DTWD2: variants seen among roughly 807,000 people sequenced by gnomAD.
DTWD2 encodes the protein tRNA-uridine aminocarboxypropyltransferase 2.
A neutral mutation model predicts 31.8 loss-of-function variants in DTWD2; 39 were observed. The ratio of observed to expected loss-of-function variants is 1.22; its 90% CI spans 0.95 to 1.60. The LOEUF is 1.60. Ranked by LOEUF, DTWD2 falls within the 40% of genes most tolerant of loss-of-function variation. The probability of loss-of-function intolerance (pLI) is 0.00; values close to 1 mark genes in which losing one functional copy is unlikely to be tolerated. For synonymous variants in DTWD2, 180 were observed against 142.8 expected, an observed-to-expected ratio of 1.26 and a Z score of -1.86; for missense variants, 515 against 381.5, an observed-to-expected ratio of 1.35 and a Z score of -2.92.
At chr5:118,859,651 A>G (rs1241361354) in intron 4 of DTWD2, among the ~76,000 whole-genome samples, 2 of 152,140 alleles carry the variant, frequency 1.3e-5, no homozygotes, top group Non-Finnish European at 2.9e-5. Context: ...TAAATGATTT[A>G]TTAATATGAA....
intron 4 of DTWD2, among the ~76,000 whole-genome samples, chr5:118,909,498 T>C (rs6868097): frequency 0.27 from 41,127 of 152,056 alleles, 6,592 homozygotes; most frequent in Admixed American, 0.39. Flanking sequence ...TTGCCTAAGC[T>C]ACCTTAGTAA....
At chr5:118,955,506 T>C (rs1016783711) in intron 1 of DTWD2, among the ~76,000 whole-genome samples, 8 of 152,352 alleles carry the variant, frequency 5.3e-5, no homozygotes, top group African/African-American at 1.2e-4. Flanking sequence ...GAATAATTTA[T>C]AAATTCAACA....
At chr5:118,921,533 A>AG (rs1753704283) in intron 4 of DTWD2, among the ~76,000 whole-genome samples, 1 of 151,114 alleles carries the variant, frequency 6.6e-6, no homozygotes, top group Admixed American at 6.6e-5. Flanking sequence ...AAAAAAAAAA[A>AG]AGAAAGAAAG....
intron 1 of DTWD2, among the ~76,000 whole-genome samples, chr5:118,958,934 T>C (rs1754649248): frequency 6.6e-6 from 1 of 152,120 alleles, no homozygotes; most frequent in Non-Finnish European, 1.5e-5. Context: ...AACTAGGCAC[T>C]AAAGGAACTT....
chr5:118,979,289 G>A (rs1755236069), intron 1 of DTWD2, among the ~76,000 whole-genome samples: 1 of 152,052 alleles, frequency 6.6e-6, no homozygotes, highest in Non-Finnish European at 1.5e-5. Flanking sequence ...GGGCGACAGA[G>A]CAAGAGTCCA....
At chr5:118,896,752 G>A (rs543723636) in intron 4 of DTWD2, among the ~76,000 whole-genome samples, 1 of 152,302 alleles carries the variant, frequency 6.6e-6, no homozygotes, top group East Asian at 1.9e-4. Flanking sequence ...CAAATGATCT[G>A]CCTAGTCAGG....
intron 1 of DTWD2, among the ~76,000 whole-genome samples, chr5:118,985,490 T>TTATATATA (rs56393420): frequency 0.032 from 3,041 of 95,346 alleles, 104 homozygotes; most frequent in East Asian, 0.12. Flanking sequence ...ATGTGCATTT[T>TTATATATA]TATATATATA....
At chr5:118,891,406 GAATT>G (rs1341833319) in intron 4 of DTWD2, among the ~76,000 whole-genome samples, 1 of 152,062 alleles carries the variant, frequency 6.6e-6, no homozygotes, top group Non-Finnish European at 1.5e-5. Flanking sequence ...TTCTTTCTCT[GAATT>G]AATTATGACT....
intron 4 of DTWD2, among the ~76,000 whole-genome samples, chr5:118,865,151 G>A (rs1318330599): frequency 6.6e-6 from 1 of 152,092 alleles, no homozygotes; most frequent in East Asian, 1.9e-4. Flanking sequence ...AAATACATCT[G>A]AATTTGAATT....
intron 2 of DTWD2, among the ~76,000 whole-genome samples, chr5:118,940,904 A>G (rs1426814446): frequency 1.3e-5 from 2 of 152,204 alleles, no homozygotes; most frequent in African/African-American, 4.8e-5. Flanking sequence ...TCACGACTAA[A>G]TACACATTGT....
intron 1 of DTWD2, among the ~76,000 whole-genome samples, chr5:118,986,699 T>G (rs1313247713): frequency 6.6e-6 from 1 of 152,170 alleles, no homozygotes; most frequent in Non-Finnish European, 1.5e-5. Flanking sequence ...CACCTAAATA[T>G]TCTCCATAAT....
Position 118,973,657 on chromosome 5 carries a change from G to GGCAGCCTCCTTGCTCGCC in DTWD2, c.218+14619_218+14636dup, listed in dbSNP as rs1392269996. 5.3e-3 allele frequency: 2,292 copies of GGCAGCCTCCTTGCTCGCC among 431,728 alleles called. 276 individuals carry two copies. Among genetic ancestry groups the GGCAGCCTCCTTGCTCGCC allele is most frequent in the Admixed American group, 0.038 (746 of 19,826 alleles). The allele number at this position is 431,728 out of a possible 1,614,324, so 26.7% of individuals were successfully genotyped here. On this transcript the variant is annotated intron_variant, in intron 1 of 5. Coordinates refer to ENST00000510708, the MANE Select transcript of DTWD2 (RefSeq NM_173666.4). Reference sequence around the variant, plus strand: ...TGCTCGCGGCAGCCTCCTTGCTCGCGGCAGCCTCCTTGCTCGCCGCAGCCG... The same window carrying GGCAGCCTCCTTGCTCGCC: ...TGCTCGCGGCAGCCTCCTTGCTCGCGGCAGCCTCCTTGCTCGCCGCAGCCTCCTTGCTCGCCGCAGCCG...
intron 5 of DTWD2, among the ~76,000 whole-genome samples, chr5:118,845,308 C>A (rs1177319615): frequency 1.3e-5 from 2 of 152,174 alleles, no homozygotes; most frequent in Non-Finnish European, 2.9e-5. Flanking sequence ...TCACTTTCCT[C>A]CCCAGGAGGG....
chr5:118,988,233 G>T, intron 1 of DTWD2, 61 bp downstream of exon 1: 1 of 1,528,626 alleles, frequency 6.5e-7, no homozygotes, highest in African/African-American at 1.4e-5. Context: ...GGCAGGGGGC[G>T]CCGCACCCTC....
intron 4 of DTWD2, among the ~76,000 whole-genome samples, chr5:118,887,967 T>G (rs970567273): frequency 2.6e-5 from 4 of 152,158 alleles, no homozygotes; most frequent in Non-Finnish European, 5.9e-5. Flanking sequence ...ATGCAACCCT[T>G]ACTCACTGGA....
chr5:118,893,858 A>T (rs936966105), intron 4 of DTWD2, among the ~76,000 whole-genome samples: 6 of 152,188 alleles, frequency 3.9e-5, no homozygotes, highest in Non-Finnish European at 4.4e-5. Flanking sequence ...TCTCAGATCT[A>T]CAAGCACAAA....
intron 1 of DTWD2, among the ~76,000 whole-genome samples, chr5:118,954,499 T>C (rs1250577334): frequency 6.6e-6 from 1 of 152,038 alleles, no homozygotes; most frequent in Admixed American, 6.6e-5. Flanking sequence ...TCAATAGATA[T>C]TGCTGAATAC....
chr5:118,957,534 T>G (rs1754613522), intron 1 of DTWD2, among the ~76,000 whole-genome samples: 1 of 152,160 alleles, frequency 6.6e-6, no homozygotes, highest in South Asian at 2.1e-4. Flanking sequence ...TTGTGATTTT[T>G]TAATTACAGT....
intron 1 of DTWD2, among the ~76,000 whole-genome samples, chr5:118,949,931 C>T (rs942355157): frequency 3.4e-4 from 51 of 152,094 alleles, no homozygotes; most frequent in Admixed American, 6.6e-5. Context: ...GTCTAAGCGG[C>T]CGGGCGCGAT....
Sources: allele counts gnomAD v4.1 joint callset (sites outside exome capture counted in the v4.1 genomes callset), GRCh38; gene constraint gnomAD v4.1.1; transcripts MANE v1.5; gene names NCBI Gene and HGNC (gene_info 2026-07-23, HGNC 2026-07-21).